The following KAZN variants were observed in gnomAD, a reference collection of about 807,000 sequenced individuals.
KAZN encodes kazrin, periplakin interacting protein.
Under a neutral mutation model 87.4 loss-of-function variants are expected in KAZN, and 40 were observed. That is an observed-to-expected ratio of 0.46 (90% CI 0.36 to 0.60). The LOEUF (loss-of-function observed/expected upper bound fraction) is 0.60. KAZN is among the 20% of genes least tolerant of loss of function. The pLI, the probability that KAZN is intolerant of heterozygous loss-of-function variation, is 0.00. For synonymous variants in KAZN, 466 were observed against 458.3 expected (o/e 1.02, Z -0.22); for missense variants, 898 against 1,073.9 (o/e 0.84, Z 2.29).
rs781151982 is a variant in KAZN, at chr1:15,104,042, C to T, written c.1901C>T (p.Thr634Ile). The T allele has an allele frequency of 6.2e-7, 1 of 1,613,636 alleles. No homozygotes were observed. The highest frequency in any genetic ancestry group is 1.7e-5 in the Admixed American group (1 of 59,974). ...CCCCAGGAGTACGCAGACAACCTGA[C>T]CAACAGCGGCGTCCATGGTGCTGTG... The part of the protein sequence containing the change: ...IDLKEYADNL[T>I]NSGVHGAVLV... The change falls in exon 13 of 15, where the codon ACC (threonine) becomes ATC (isoleucine). Residue 634 changes from threonine to isoleucine, a missense_variant. Thr to Ile is a moderately conservative substitution (Grantham distance 89). Around this residue, in one of 3 missense-constraint regions of KAZN, gnomAD observed 521 missense variants for 689.4 expected, o/e 0.76. Transcript: ENST00000376030.
intron 1 of KAZN, among the ~76,000 whole-genome samples, chr1:14,833,484 G>T (rs963516): frequency 0.22 from 32,961 of 152,114 alleles, 4,886 homozygotes; most frequent in African/African-American, 0.42. Flanking sequence ...GTCACCACAA[G>T]GGTTCAATCC....
chr1:14,764,513 C>G (rs542648221), intron 1 of KAZN, among the ~76,000 whole-genome samples: 4 of 151,692 alleles, frequency 2.6e-5, no homozygotes, highest in Non-Finnish European at 5.9e-5. Context: ...CCCCATAGAA[C>G]GTAAGCTTTT....
chr1:14,051,148 G>A (rs3887249), intron 1 of KAZN, among the ~76,000 whole-genome samples: 85,338 of 152,058 alleles, frequency 0.56, 24,255 homozygotes, highest in East Asian at 0.7. Context: ...GGCATCAAGC[G>A]TCATAGAATT....
At chr1:15,093,679 T>A (rs1640662855) in intron 8 of KAZN, among the ~76,000 whole-genome samples, 1 of 152,082 alleles carries the variant, frequency 6.6e-6, no homozygotes, top group Non-Finnish European at 1.5e-5. Context: ...AGCAGAGGGG[T>A]GAATACTGTG....
chr1:14,813,614 A>G (rs574228334), intron 1 of KAZN, among the ~76,000 whole-genome samples: 23 of 152,366 alleles, frequency 1.5e-4, no homozygotes, highest in African/African-American at 4.8e-4. Context: ...TGAGCAAAAT[A>G]AATGACTATT....
At chr1:14,553,320 CACT>C (rs907877865) in intron 2 of KAZN, among the ~76,000 whole-genome samples, 1 of 152,152 alleles carries the variant, frequency 6.6e-6, no homozygotes, top group Admixed American at 6.5e-5. Flanking sequence ...AAGATCGCGC[CACT>C]GCACTCCAGC....
chr1:14,421,077 CCT>C (rs1665392753), intron 2 of KAZN, among the ~76,000 whole-genome samples: 1 of 152,226 alleles, frequency 6.6e-6, no homozygotes, highest in South Asian at 2.1e-4. Flanking sequence ...AGCACGCTGC[CCT>C]CTCTCAGGAA....
chr1:14,028,300 T>C (rs995876269), intron 1 of KAZN, among the ~76,000 whole-genome samples: 11 of 152,222 alleles, frequency 7.2e-5, no homozygotes, highest in African/African-American at 2.7e-4. Context: ...CTTCTACAAA[T>C]GATCCAGCGT....
intron 1 of KAZN, among the ~76,000 whole-genome samples, chr1:13,949,187 G>C (rs575054725): frequency 6.6e-6 from 1 of 152,304 alleles, no homozygotes; most frequent in South Asian, 2.1e-4. Context: ...TTACTCTCAA[G>C]ATTTTTATTT....
chr1:14,300,927 G>A (rs933635424), intron 2 of KAZN, among the ~76,000 whole-genome samples: 90 of 152,338 alleles, frequency 5.9e-4, no homozygotes, highest in African/African-American at 2.0e-3. Context: ...GTGTGGAGGT[G>A]TGTCCCCTGC....
intron 2 of KAZN, among the ~76,000 whole-genome samples, chr1:14,977,419 G>T (rs1260968107): frequency 6.6e-6 from 1 of 152,214 alleles, no homozygotes; most frequent in Non-Finnish European, 1.5e-5. Flanking sequence ...ATTCCGGAAG[G>T]TCAACGTGCC....
intron 2 of KAZN, among the ~76,000 whole-genome samples, chr1:14,377,732 A>G (rs1661029121): frequency 6.6e-6 from 1 of 152,170 alleles, no homozygotes; most frequent in African/African-American, 2.4e-5. Context: ...GCCACAGGTG[A>G]GGTCCCAGGC....
intron 2 of KAZN, among the ~76,000 whole-genome samples, chr1:14,973,424 A>T (rs1342916316): frequency 6.6e-6 from 1 of 152,242 alleles, no homozygotes; most frequent in African/African-American, 2.4e-5. Flanking sequence ...GCACACCTGA[A>T]CAAAGGGGCA....
In KAZN at chr1:15,038,778, A is replaced by G. The variant is rs115983086; in HGVS notation, c.555+3893A>G. Reference sequence around the variant, plus strand: ...TATTGTGCACCTGCTGTATACAGACATGAATGTGCTATTACCAACAGCAGA... The same window carrying G: ...TATTGTGCACCTGCTGTATACAGACGTGAATGTGCTATTACCAACAGCAGA... On this transcript the variant is annotated intron_variant, in intron 3 of 14. Coordinates refer to ENST00000376030, the MANE Select transcript of KAZN (RefSeq NM_201628.3). 6.9e-3 allele frequency among the ~76,000 whole-genome samples: 1,016 copies of G among 147,066 alleles called. 9 individuals are homozygous for G. Among genetic ancestry groups the G allele is most frequent in the African/African-American group, 0.025 (934 of 36,680 alleles).
chr1:14,139,792 A>G (rs1454608412), intron 1 of KAZN, among the ~76,000 whole-genome samples: 1 of 152,176 alleles, frequency 6.6e-6, no homozygotes, highest in African/African-American at 2.4e-5. Context: ...CTGGGCCTCA[A>G]TTTTCTTTAT....
intron 2 of KAZN, among the ~76,000 whole-genome samples, chr1:14,409,960 T>G (rs1557698792): frequency 6.6e-6 from 1 of 152,172 alleles, no homozygotes; most frequent in Non-Finnish European, 1.5e-5. Flanking sequence ...TCTGATGGCT[T>G]GAACAGCAGA....
intron 2 of KAZN, among the ~76,000 whole-genome samples, chr1:14,348,384 T>G (rs1297880102): frequency 2.0e-5 from 3 of 152,126 alleles, no homozygotes; most frequent in Non-Finnish European, 4.4e-5. Flanking sequence ...AAAGAAAAAT[T>G]AGAAACTAAA....
chr1:13,996,000 C>T (rs2101124856), intron 1 of KAZN, among the ~76,000 whole-genome samples: 1 of 152,314 alleles, frequency 6.6e-6, no homozygotes, highest in Admixed American at 6.5e-5. Context: ...CATGTGAATC[C>T]TTTACCACTA....
chr1:13,974,384 T>G (rs2101057357), intron 1 of KAZN, among the ~76,000 whole-genome samples: 1 of 152,350 alleles, frequency 6.6e-6, no homozygotes, highest in African/African-American at 2.4e-5. Context: ...AAATGGTGCC[T>G]TTAAAGATCT....
Sources: gnomAD v4.1 joint callset for allele counts (sites outside exome capture counted in the v4.1 genomes callset) on GRCh38, gnomAD v4.1.1 for gene constraint, gnomAD v4.1.1 regional missense constraint, MANE v1.5 for transcripts, NCBI Gene and HGNC (gene_info 2026-07-23, HGNC 2026-07-21) for gene names.